The following ST6GALNAC3 variants were observed in gnomAD, a reference collection of about 807,000 sequenced individuals.
ST6GALNAC3 encodes the protein alpha-N-acetylgalactosaminide alpha-2,6-sialyltransferase 3.
ST6GALNAC3 carries 25 observed loss-of-function variants against 32.7 expected under a neutral mutation model. The observed-to-expected ratio is 0.76, with a 90% confidence interval of 0.56 to 1.07. ST6GALNAC3 has a LOEUF of 1.07. ST6GALNAC3 is among the 50% of genes least tolerant of loss of function. ST6GALNAC3 has a pLI of 0.00. For missense variants in ST6GALNAC3, 355 were observed against 382.4 expected (o/e 0.93, Z 0.60); for synonymous variants, 129 against 133.1 (o/e 0.97, Z 0.21).
intron 3 of ST6GALNAC3, among the ~76,000 whole-genome samples, chr1:76,536,264 A>C (rs1371930853): frequency 6.6e-6 from 1 of 152,158 alleles, no homozygotes; most frequent in Non-Finnish European, 1.5e-5. Flanking sequence ...TATAATACTT[A>C]CATGATGTCT....
chr1:76,173,153 G>A (rs1301997471), intron 1 of ST6GALNAC3, among the ~76,000 whole-genome samples: 1 of 152,048 alleles, frequency 6.6e-6, no homozygotes, highest in Admixed American at 6.6e-5. Context: ...GACTAATGGA[G>A]CAGAGTAGAG....
intron 3 of ST6GALNAC3, among the ~76,000 whole-genome samples, chr1:76,433,820 A>G (rs1219217521): frequency 1.3e-5 from 2 of 152,196 alleles, no homozygotes; most frequent in African/African-American, 4.8e-5. Flanking sequence ...GCCTTATGAA[A>G]TCTAGTACCC....
At chr1:76,242,355 G>A (rs963256561) in intron 1 of ST6GALNAC3, among the ~76,000 whole-genome samples, 7 of 152,024 alleles carry the variant, frequency 4.6e-5, no homozygotes, top group South Asian at 4.2e-4. Flanking sequence ...AGATCTTAGC[G>A]GTCACTGCAT....
At chr1:76,230,060 C>T (rs1004318752) in intron 1 of ST6GALNAC3, among the ~76,000 whole-genome samples, 14 of 152,200 alleles carry the variant, frequency 9.2e-5, no homozygotes, top group Non-Finnish European at 1.8e-4. Flanking sequence ...GATGACTTAG[C>T]TTAGAAACTC....
At chr1:76,411,186 G>A (rs566859314) in intron 2 of ST6GALNAC3, among the ~76,000 whole-genome samples, 1 of 152,220 alleles carries the variant, frequency 6.6e-6, no homozygotes, top group Admixed American at 6.5e-5. Context: ...TAACGGAAAG[G>A]GCAGTGGGCT....
intron 1 of ST6GALNAC3, among the ~76,000 whole-genome samples, chr1:76,235,210 C>G (rs1656581291): frequency 6.6e-6 from 1 of 152,160 alleles, no homozygotes; most frequent in Non-Finnish European, 1.5e-5. Context: ...GTGTCAAGTG[C>G]TAACATTTGC....
chr1:76,155,945 C>T (rs1166774837), intron 1 of ST6GALNAC3, among the ~76,000 whole-genome samples: 1 of 152,110 alleles, frequency 6.6e-6, no homozygotes, highest in East Asian at 1.9e-4. Context: ...GCTCCGGGAG[C>T]CTACCCAGGA....
intron 3 of ST6GALNAC3, among the ~76,000 whole-genome samples, chr1:76,497,724 T>C (rs907089298): frequency 3.8e-4 from 58 of 152,192 alleles, no homozygotes; most frequent in African/African-American, 1.4e-3. Context: ...GAGGCAGCTA[T>C]GTGTCCAGTT....
chr1:76,465,890 A>T (rs1012257565), intron 3 of ST6GALNAC3, among the ~76,000 whole-genome samples: 1 of 152,018 alleles, frequency 6.6e-6, no homozygotes, highest in Non-Finnish European at 1.5e-5. Context: ...AATCTCTCAG[A>T]TTATTTTCTT....
intron 2 of ST6GALNAC3, among the ~76,000 whole-genome samples, chr1:76,362,259 AC>A (rs1213330043): frequency 1.3e-5 from 2 of 152,166 alleles, no homozygotes; most frequent in Non-Finnish European, 2.9e-5. Flanking sequence ...CCAAGACAAT[AC>A]CAAGGGGGAT....
intron 1 of ST6GALNAC3, among the ~76,000 whole-genome samples, chr1:76,209,819 C>CG (rs1185183079): frequency 6.6e-6 from 1 of 152,182 alleles, no homozygotes; most frequent in East Asian, 1.9e-4. Flanking sequence ...TGTGCAGCCC[C>CG]CGGGCCACCC....
At chr1:76,328,163 T>C (rs532797336) in intron 2 of ST6GALNAC3, among the ~76,000 whole-genome samples, 1 of 152,280 alleles carries the variant, frequency 6.6e-6, no homozygotes, top group Admixed American at 6.5e-5. Flanking sequence ...AGTCATATAA[T>C]CAATTACACA....
intron 3 of ST6GALNAC3, among the ~76,000 whole-genome samples, chr1:76,568,835 A>G (rs1665701221): frequency 1.3e-5 from 2 of 152,198 alleles, no homozygotes; most frequent in African/African-American, 4.8e-5. Context: ...CATTCATGTC[A>G]GCACTAGACA....
chr1:76,420,810 C>A (rs1451152873), intron 3 of ST6GALNAC3, among the ~76,000 whole-genome samples: 1 of 152,042 alleles, frequency 6.6e-6, no homozygotes, highest in East Asian at 1.9e-4. Context: ...CATGCACACA[C>A]ATGCAGGCCA....
At chr1:76,242,709 G>T (rs939269107) in intron 1 of ST6GALNAC3, among the ~76,000 whole-genome samples, 3 of 151,990 alleles carry the variant, frequency 2.0e-5, no homozygotes, top group Non-Finnish European at 2.9e-5. Context: ...GTTGTGTTTG[G>T]TTTTTTGTTC....
At chr1:76,496,501 T>C (rs1316912929) in intron 3 of ST6GALNAC3, among the ~76,000 whole-genome samples, 2 of 152,300 alleles carry the variant, frequency 1.3e-5, no homozygotes, top group Non-Finnish European at 2.9e-5. Context: ...TTTGTTCAAA[T>C]GACTTCCCAA....
chr1:76,468,516 C>G (rs1336459204), intron 3 of ST6GALNAC3, among the ~76,000 whole-genome samples: 1 of 152,048 alleles, frequency 6.6e-6, no homozygotes, highest in Non-Finnish European at 1.5e-5. Flanking sequence ...CTTCTCATCA[C>G]TAAATATGGC....
intron 2 of ST6GALNAC3, among the ~76,000 whole-genome samples, chr1:76,409,542 A>G (rs1052379853): frequency 7.2e-5 from 11 of 151,868 alleles, no homozygotes; most frequent in Non-Finnish European, 1.5e-4. Context: ...TATAGTAGAA[A>G]AAAAAACAGA....
chr1:76,409,854 G>A (rs1654096522), intron 2 of ST6GALNAC3, among the ~76,000 whole-genome samples: 1 of 152,082 alleles, frequency 6.6e-6, no homozygotes, highest in South Asian at 2.1e-4. Flanking sequence ...TTTAGTTTTT[G>A]AGTTTCCCAT....
Sources: allele counts gnomAD v4.1 joint callset (sites outside exome capture counted in the v4.1 genomes callset), GRCh38; gene constraint gnomAD v4.1.1; transcripts MANE v1.5; gene names NCBI Gene and HGNC (gene_info 2026-07-23, HGNC 2026-07-21).